DLG2: variants seen among roughly 807,000 people sequenced by gnomAD.
DLG2 encodes disks large homolog 2.
Under a neutral mutation model 132.5 loss-of-function variants are expected in DLG2, and 45 were observed. That is an observed-to-expected ratio of 0.34 (90% CI 0.27 to 0.44). The LOEUF (loss-of-function observed/expected upper bound fraction) is 0.44, where lower values mean the gene tolerates loss of function less well. DLG2 is among the 20% of genes least tolerant of loss of function. DLG2 has a pLI of 1.00. For synonymous variants in DLG2, 424 were observed against 419.6 expected (o/e 1.01, Z -0.13); for missense variants, 1,045 against 1,196.9 (o/e 0.87, Z 1.87).
Position 85,154,547 on chromosome 11 carries a change from A to G in DLG2, c.282+9T>C. 7.4e-7 allele frequency: 1 copy of G among 1,359,202 alleles called. No homozygotes were observed. Among genetic ancestry groups the G allele is most frequent in the Non-Finnish European group, 1.0e-6 (1 of 976,556 alleles). 84.2% of individuals were successfully genotyped at this position (1,359,202 alleles called of 1,614,324 possible). ...GCCTAGTAAGAAAAGAAAACAGTAT[A>G]ACACTTACAGTTGTCGTCTCATCAG... On this transcript the variant is annotated intron_variant, in intron 5 of 27. Coordinates refer to ENST00000376104, the MANE Select transcript of DLG2 (RefSeq NM_001142699.3).
intron 7 of DLG2, among the ~76,000 whole-genome samples, chr11:84,373,307 C>A (rs559336854): frequency 6.9e-6 from 1 of 144,242 alleles, no homozygotes; most frequent in Non-Finnish European, 1.5e-5. Context: ...CGGTGGCTCA[C>A]GCCTGTAATC....
chr11:85,026,720 C>T (rs1454827411), intron 6 of DLG2, among the ~76,000 whole-genome samples: 1 of 151,870 alleles, frequency 6.6e-6, no homozygotes, highest in African/African-American at 2.4e-5. Flanking sequence ...GCCTGTAGTC[C>T]CAGCTACTCA....
At chr11:83,825,830 C>T (rs1457239239) in intron 17 of DLG2, among the ~76,000 whole-genome samples, 1 of 152,174 alleles carries the variant, frequency 6.6e-6, no homozygotes, top group South Asian at 2.1e-4. Context: ...CCTAGAAGTC[C>T]CCACTGCCCT....
At chr11:83,521,705 A>T (rs908874165) in intron 21 of DLG2, among the ~76,000 whole-genome samples, 24 of 152,032 alleles carry the variant, frequency 1.6e-4, no homozygotes, top group African/African-American at 5.6e-4. Context: ...TACCAATTCT[A>T]TTCAGGGTCC....
chr11:84,373,260 AAAAAC>A lies in DLG2; in HGVS notation c.520-121974_520-121970del, dbSNP rs1217448942. Among the ~76,000 whole-genome samples, 69 of 102,922 alleles carry A rather than the reference AAAAAC, an allele frequency of 6.7e-4. 2 individuals are homozygous for A. The highest frequency in any genetic ancestry group is 4.8e-4 in the Admixed American group (5 of 10,384). The allele number at this position is 102,922 out of a possible 152,430, so 67.5% of individuals were successfully genotyped here. A position where few individuals can be genotyped will look rare whatever the true frequency, so the allele number is the denominator to read the frequency against. ...AATTAAGAAACAGTCAAAAAAAAAA[AAAAAC>A]AAAACAAAAAAAAAACCCACCAGGC... On this transcript the variant is annotated intron_variant, in intron 7 of 27. Transcript: ENST00000376104.
intron 6 of DLG2, among the ~76,000 whole-genome samples, chr11:84,626,720 C>T (rs982565568): frequency 6.6e-6 from 1 of 152,126 alleles, no homozygotes; most frequent in African/African-American, 2.4e-5. Flanking sequence ...GCAAGAGGAA[C>T]ATGTACAGGA....
chr11:84,777,271 A>ATGTGTGTG (rs1168148650), intron 6 of DLG2, among the ~76,000 whole-genome samples: 2 of 117,988 alleles, frequency 1.7e-5, no homozygotes, highest in African/African-American at 6.4e-5. Context: ...GTGTATGTAT[A>ATGTGTGTG]TGTGTGTGTG....
chr11:84,633,867 C>A (rs888169523), intron 6 of DLG2, among the ~76,000 whole-genome samples: 7 of 152,048 alleles, frequency 4.6e-5, no homozygotes, highest in Admixed American at 6.6e-5. Flanking sequence ...AGTGAAATAA[C>A]AAAGGCAGCT....
rs1239311582 is a variant in DLG2 at position 83,786,455 on chromosome 11, T to C, written c.1825+235A>G. On this transcript the variant is annotated intron_variant, in intron 18 of 27. Coordinates refer to ENST00000376104, the MANE Select transcript of DLG2 (RefSeq NM_001142699.3). ...GAAATAAAGCTGATGCTGGTTGCTA[T>C]TTATTTGAATTCATATTTTCATAGG... is the stretch of plus-strand genomic sequence containing the variant. 5.1e-5 allele frequency: 24 copies of C among 470,710 alleles called. No individual in the cohort carries two copies. The Admixed American group carries it at 7.5e-4, about 15-fold the overall frequency. 29.2% of individuals were successfully genotyped at this position (470,710 alleles called of 1,614,324 possible). A position where few individuals can be genotyped will look rare whatever the true frequency, so the allele number is the denominator to read the frequency against.
intron 6 of DLG2, among the ~76,000 whole-genome samples, chr11:85,060,616 T>G (rs1301240659): frequency 6.6e-6 from 1 of 151,712 alleles, no homozygotes; most frequent in East Asian, 1.9e-4. Flanking sequence ...TCATAGATAT[T>G]GTGAATAATG....
At chr11:85,572,830 T>C (rs996347877) in intron 3 of DLG2, among the ~76,000 whole-genome samples, 8 of 152,232 alleles carry the variant, frequency 5.3e-5, no homozygotes, top group African/African-American at 1.7e-4. Flanking sequence ...TTCTGTCTGA[T>C]TTCAAATAAC....
chr11:84,839,389 A>T (rs929971069), intron 6 of DLG2, among the ~76,000 whole-genome samples: 1 of 152,174 alleles, frequency 6.6e-6, no homozygotes, highest in Non-Finnish European at 1.5e-5. Context: ...GGATAGGAAG[A>T]ATCAATATCA....
chr11:85,171,316 ACC>A (rs1393133952), intron 4 of DLG2, among the ~76,000 whole-genome samples: 1 of 151,946 alleles, frequency 6.6e-6, no homozygotes. Flanking sequence ...AGCCAGGGGA[ACC>A]CCCACCTCCA....
chr11:85,166,382 T>C (rs920293862), intron 4 of DLG2, among the ~76,000 whole-genome samples: 4 of 152,186 alleles, frequency 2.6e-5, no homozygotes, highest in Middle Eastern at 3.2e-3. Flanking sequence ...AAAATCACAC[T>C]GGTACCTCAA....
chr11:85,162,790 A>G (rs1423899272), intron 4 of DLG2, among the ~76,000 whole-genome samples: 10 of 152,158 alleles, frequency 6.6e-5, no homozygotes, highest in Non-Finnish European at 1.3e-4. Context: ...CAGGAGATGT[A>G]CGTGGGTTCA....
rs569608355 is a variant in DLG2, at chr11:85,466,223, C to T, written c.40+132434G>A. On this transcript the variant is annotated intron_variant, in intron 3 of 27. Coordinates refer to ENST00000376104, the MANE Select transcript of DLG2 (RefSeq NM_001142699.3). The stretch of plus-strand genomic sequence containing the variant: ...TTCTGGATATTAGCCCTTTGTCAGA[C>T]GAGTAAATTGCAAAAATTTTCTCCC... 1.5e-3 allele frequency among the ~76,000 whole-genome samples: 223 copies of T among 152,138 alleles called. 2 individuals are homozygous for T. The highest frequency in any genetic ancestry group is 4.8e-3 in the African/African-American group (199 of 41,518).
intron 21 of DLG2, among the ~76,000 whole-genome samples, chr11:83,508,853 G>C (rs1345028540): frequency 2.6e-5 from 4 of 152,192 alleles, no homozygotes; most frequent in Non-Finnish European, 5.9e-5. Context: ...CTTCACTACT[G>C]TTTTGTTTTC....
At chr11:84,678,798 T>C (rs2099721441) in intron 6 of DLG2, among the ~76,000 whole-genome samples, 1 of 152,060 alleles carries the variant, frequency 6.6e-6, no homozygotes, top group African/African-American at 2.4e-5. Flanking sequence ...TGAACAGAAA[T>C]TGAGTCTAGT....
chr11:84,693,942 T>C (rs944417631), intron 6 of DLG2, among the ~76,000 whole-genome samples: 2 of 151,674 alleles, frequency 1.3e-5, no homozygotes, highest in Non-Finnish European at 3.0e-5. Flanking sequence ...AACTCCTCTC[T>C]ATGGGTTTTT....
Sources: gnomAD v4.1 joint callset for allele counts (sites outside exome capture counted in the v4.1 genomes callset) on GRCh38, gnomAD v4.1.1 for gene constraint, MANE v1.5 for transcripts, NCBI Gene and HGNC (gene_info 2026-07-23, HGNC 2026-07-21) for gene names.